SCRG1: variants seen among roughly 807,000 people sequenced by gnomAD.
The protein encoded by SCRG1 is stimulator of chondrogenesis 1, also known as scrapie-responsive protein 1.
Under a neutral mutation model 7.7 loss-of-function variants are expected in SCRG1, and 3 were observed. The ratio of observed to expected loss-of-function variants is 0.39; its 90% CI spans 0.18 to 1.01. The LOEUF is 1.01. Among genes scored for constraint, SCRG1 ranks in the 50% least tolerant of loss-of-function variants. The pLI is 0.36. For synonymous variants in SCRG1, 46 were observed against 41.2 expected (o/e 1.12, Z -0.44); for missense variants, 110 against 117.2 (o/e 0.94, Z 0.28).
the SCRG1 span, among the ~76,000 whole-genome samples, chr4:173,453,372 T>C: frequency 6.6e-6 from 1 of 152,230 alleles, no homozygotes; most frequent in African/African-American, 2.4e-5. Context: ...TATAAGGCAG[T>C]AGAATCATGC....
the SCRG1 span, among the ~76,000 whole-genome samples, chr4:173,439,213 A>AT: frequency 6.6e-6 from 1 of 152,168 alleles, no homozygotes; most frequent in African/African-American, 2.4e-5. Context: ...AGTCAGGAAT[A>AT]CCCATTTAAA....
chr4:173,493,488 C>T, the SCRG1 span, among the ~76,000 whole-genome samples: 3 of 152,040 alleles, frequency 2.0e-5, no homozygotes, highest in Non-Finnish European at 2.9e-5. Context: ...TGTGGTGGCG[C>T]GTGCTTGTAG....
the SCRG1 span, among the ~76,000 whole-genome samples, chr4:173,423,399 G>A: frequency 2.1e-4 from 32 of 152,206 alleles, no homozygotes; most frequent in African/African-American, 7.5e-4. Context: ...TTATTGAAAT[G>A]AAACAGTGTT....
the SCRG1 span, among the ~76,000 whole-genome samples, chr4:173,411,664 CTG>C: frequency 2.0e-5 from 3 of 152,166 alleles, no homozygotes; most frequent in Non-Finnish European, 4.4e-5. Context: ...TATCATGAAA[CTG>C]TTTACAGTGT....
chr4:173,484,884 T>A, the SCRG1 span, among the ~76,000 whole-genome samples: 2 of 69,526 alleles, frequency 2.9e-5, no homozygotes, highest in Admixed American at 2.8e-4. Context: ...ATATTATATA[T>A]TATATACATA....
chr4:173,388,254 T>C lies in SCRG1; in HGVS notation c.*87A>G. On this transcript the variant is annotated 3_prime_UTR_variant, in exon 3 of 3. Coordinates refer to ENST00000296506, the MANE Select transcript of SCRG1 (RefSeq NM_007281.4). ...TTATAGAATCTATGCTCTATTGCAC[T>C]ATATAGAAACTAGAAATGCAGTTAT... is the stretch of plus-strand genomic sequence containing the variant. The C allele has an allele frequency of 1.2e-6, 1 of 856,726 alleles. No homozygotes were observed. Among genetic ancestry groups the C allele is most frequent in the Non-Finnish European group, 1.9e-6 (1 of 533,574 alleles). The allele number at this position is 856,726 out of a possible 1,614,324, so 53.1% of individuals were successfully genotyped here.
At chr4:173,499,859 T>G in the SCRG1 span, among the ~76,000 whole-genome samples, 1 of 152,210 alleles carries the variant, frequency 6.6e-6, no homozygotes. The surrounding 1 kb of genome is among the most constrained non-coding windows in gnomAD (Gnocchi z 4.1). Context: ...GAAACATGTT[T>G]TGGCAGGCCA....
At chr4:173,399,465 A>ATGT (rs1553964794), upstream of SCRG1, 12 of 84,154 alleles carry the variant, frequency 1.4e-4, no homozygotes, top group African/African-American at 4.5e-4. Context: ...CCTTAAGAAA[A>ATGT]GTGTGTGTGT....
At chr4:173,480,032 T>C in the SCRG1 span, among the ~76,000 whole-genome samples, 1 of 152,088 alleles carries the variant, frequency 6.6e-6, no homozygotes, top group Non-Finnish European at 1.5e-5. Context: ...GGCAGTGGCA[T>C]GATCACAGCT....
the SCRG1 span, among the ~76,000 whole-genome samples, chr4:173,417,256 G>A: frequency 6.6e-6 from 1 of 152,108 alleles, no homozygotes; most frequent in Admixed American, 6.5e-5. Context: ...GCATCTACAG[G>A]CATGTTTTAC....
chr4:173,464,150 T>G, the SCRG1 span, among the ~76,000 whole-genome samples: 1 of 152,126 alleles, frequency 6.6e-6, no homozygotes, highest in East Asian at 1.9e-4. Flanking sequence ...TCTGAACACA[T>G]GAGTAAAGTA....
At chr4:173,428,154 A>AT in the SCRG1 span, among the ~76,000 whole-genome samples, 1 of 152,182 alleles carries the variant, frequency 6.6e-6, no homozygotes, top group African/African-American at 2.4e-5. Flanking sequence ...GGATTGACTG[A>AT]TTTTGGGTTA....
chr4:173,445,814 C>T, the SCRG1 span, among the ~76,000 whole-genome samples: 22 of 151,498 alleles, frequency 1.5e-4, no homozygotes, highest in East Asian at 2.0e-4. Context: ...TACAGGTGCA[C>T]GCCACCATGC....
chr4:173,477,452 G>T, the SCRG1 span, among the ~76,000 whole-genome samples: 1 of 152,088 alleles, frequency 6.6e-6, no homozygotes, highest in African/African-American at 2.4e-5. Context: ...ATGTTTTGGG[G>T]TTGGGGGTGC....
chr4:173,481,806 A>G, the SCRG1 span, among the ~76,000 whole-genome samples: 1 of 152,158 alleles, frequency 6.6e-6, no homozygotes, highest in African/African-American at 2.4e-5. Context: ...TAATACATCT[A>G]ACACAAAATA....
At chr4:173,416,985 C>T in the SCRG1 span, among the ~76,000 whole-genome samples, 1 of 146,896 alleles carries the variant, frequency 6.8e-6, no homozygotes, top group Non-Finnish European at 1.5e-5. Flanking sequence ...ACACACACAC[C>T]CCACACACAA....
chr4:173,465,316 C>T, the SCRG1 span, among the ~76,000 whole-genome samples: 3 of 152,100 alleles, frequency 2.0e-5, no homozygotes, highest in African/African-American at 7.2e-5. Context: ...AAAATCCTGA[C>T]CTTCCCTTTT....
chr4:173,510,836 C>G, the SCRG1 span, among the ~76,000 whole-genome samples: 1 of 152,204 alleles, frequency 6.6e-6, no homozygotes. The surrounding 1 kb of genome is among the most constrained non-coding windows in gnomAD (Gnocchi z 5.7). Context: ...TCCACAAGCG[C>G]TTTTGATGAG....
At chr4:173,474,240 G>A in the SCRG1 span, among the ~76,000 whole-genome samples, 2 of 152,032 alleles carry the variant, frequency 1.3e-5, no homozygotes, top group Non-Finnish European at 2.9e-5. Flanking sequence ...CTTCACATTC[G>A]TGCAATACAG....
Sources: gnomAD v4.1 joint callset for allele counts (sites outside exome capture counted in the v4.1 genomes callset) on GRCh38, gnomAD v4.1.1 for gene constraint, Gnocchi (gnomAD v3.1) non-coding constraint, MANE v1.5 for transcripts, NCBI Gene and HGNC (gene_info 2026-07-23, HGNC 2026-07-21) for gene names.